Variants in STAT5B observed in about 807,000 individuals in gnomAD.
STAT5B encodes signal transducer and activator of transcription 5B, also known as transcription factor STAT5B.
STAT5B carries 21 observed loss-of-function variants against 107.8 expected under a neutral mutation model. That is an observed-to-expected ratio of 0.19 (90% CI 0.14 to 0.28). The LOEUF is 0.28. Among genes scored for constraint, STAT5B ranks in the 10% least tolerant of loss-of-function variants. STAT5B has a pLI of 1.00. For synonymous variants in STAT5B, 325 were observed against 401.7 expected (o/e 0.81, Z 2.28); for missense variants, 565 against 1,008.2 (o/e 0.56, Z 5.95).
chr17:42,257,298 A>C (rs1476741787), intron 1 of STAT5B, among the ~76,000 whole-genome samples: 1 of 152,182 alleles, frequency 6.6e-6, no homozygotes, highest in South Asian at 2.1e-4. Flanking sequence ...TGACAATTGA[A>C]TCTTACAGGT....
At chr17:42,277,605 T>C (rs1245612238), upstream of STAT5B, among the ~76,000 whole-genome samples, 3 of 152,118 alleles carry the variant, frequency 2.0e-5, no homozygotes, top group African/African-American at 4.8e-5. Context: ...TTCAGGGAGC[T>C]TGGAGGCCAG....
intron 9 of STAT5B, 76 bp downstream of exon 9, chr17:42,218,075 G>C (rs2080188610): frequency 6.4e-7 from 1 of 1,560,090 alleles, no homozygotes; most frequent in Admixed American, 1.9e-5. Flanking sequence ...ATCTGACACA[G>C]GAGGCAGAAT....
chr17:42,205,150 C>T (rs1156430416), intron 16 of STAT5B, among the ~76,000 whole-genome samples: 1 of 152,076 alleles, frequency 6.6e-6, no homozygotes, highest in Non-Finnish European at 1.5e-5. Context: ...GCCTCAGCCT[C>T]CTGAGTAGGT....
At chr17:42,213,674 C>T (rs938389902) in intron 12 of STAT5B, among the ~76,000 whole-genome samples, 11 of 151,424 alleles carry the variant, frequency 7.3e-5, no homozygotes, top group Admixed American at 2.0e-4. Flanking sequence ...ATCATAGGCA[C>T]GCACCACCAC....
chr17:42,239,098 A>C (rs551403672), intron 1 of STAT5B, among the ~76,000 whole-genome samples: 71 of 151,984 alleles, frequency 4.7e-4, no homozygotes, highest in African/African-American at 1.7e-3. Context: ...AAATACAAAA[A>C]TTAGCTGGGC....
At position 42,224,417 on chromosome 17, in the gene STAT5B, G is replaced by T. The variant is rs534790383; in HGVS notation, c.375+362C>A. 5.1e-4 allele frequency among the ~76,000 whole-genome samples: 77 copies of T among 151,470 alleles called. 1 individual carries two copies. In the South Asian group the frequency reaches 0.016, roughly 32 times the overall value. ...TGCAGGGGTGCGATCATGGCTCACT[G>T]CAGCCTCTACCTCCTGGGCTCAAGG... On this transcript the variant is annotated intron_variant, in intron 4 of 18. Transcript: ENST00000293328.
chr17:42,273,679 A>T (rs1416156954), intron 1 of STAT5B, among the ~76,000 whole-genome samples: 1 of 152,210 alleles, frequency 6.6e-6, no homozygotes, highest in African/African-American at 2.4e-5. Context: ...ACCTGCATCT[A>T]ATCTTGAGCA....
chr17:42,259,015 CAA>C (rs1295185195), intron 1 of STAT5B, among the ~76,000 whole-genome samples: 1 of 152,044 alleles, frequency 6.6e-6, no homozygotes, highest in Non-Finnish European at 1.5e-5. Context: ...TAGCTAAGAC[CAA>C]AAGGTGAATA....
chr17:42,257,714 C>T (rs1418337411), intron 1 of STAT5B, among the ~76,000 whole-genome samples: 2 of 152,124 alleles, frequency 1.3e-5, no homozygotes, highest in Admixed American at 1.3e-4. Context: ...ACAATGGGAC[C>T]ACACACAAAT....
chr17:42,214,758 T>G (rs1022747560), intron 12 of STAT5B, among the ~76,000 whole-genome samples: 1 of 152,124 alleles, frequency 6.6e-6, no homozygotes, highest in African/African-American at 2.4e-5. Flanking sequence ...CTAAAAAAAT[T>G]TTTTTCTTTG....
upstream of STAT5B, among the ~76,000 whole-genome samples, chr17:42,278,027 A>G (rs2144456561): frequency 6.6e-6 from 1 of 152,190 alleles, no homozygotes; most frequent in Non-Finnish European, 1.5e-5. Context: ...AAGTGCTGGG[A>G]TTACAGGCAT....
chr17:42,201,983 A>G, intron 18 of STAT5B, 119 bp from the exon 19 acceptor site: 1 of 934,246 alleles, frequency 1.1e-6, no homozygotes, highest in Non-Finnish European at 1.7e-6. Context: ...CTGGGGCTTC[A>G]TGGGAAAAGA....
chr17:42,254,845 C>T (rs1186566426), intron 1 of STAT5B, among the ~76,000 whole-genome samples: 1 of 152,154 alleles, frequency 6.6e-6, no homozygotes, highest in African/African-American at 2.4e-5. Flanking sequence ...GTAATCCCAA[C>T]ACTTTGGGAG....
Position 42,268,502 on chromosome 17 carries a change from A to G in STAT5B, c.-11+7746T>C, listed in dbSNP as rs533633078. ...ATGTATCATTAAGTGACAAACGACT[A>G]TAGTTACGTAACAATAACCAAAGAA... On this transcript the variant is annotated intron_variant, in intron 1 of 18. Transcript: ENST00000293328. 5 of 152,326 alleles carry G rather than the reference A, an allele frequency of 3.3e-5. No homozygotes were observed. In the South Asian group the frequency reaches 8.3e-4, roughly 25 times the overall value. The allele number at this position is 152,326 out of a possible 1,614,324, so 9.4% of individuals were successfully genotyped here. A position where few individuals can be genotyped will look rare whatever the true frequency, so the allele number is the denominator to read the frequency against.
At chr17:42,210,322 G>C in intron 14 of STAT5B, 21 bp from the exon 15 acceptor site, 1 of 1,614,152 alleles carries the variant, frequency 6.2e-7, no homozygotes, top group African/African-American at 1.3e-5. Context: ...AAGGACAAAG[G>C]ACAGAAGCAG....
chr17:42,234,105 A>AG (rs1314325570), intron 1 of STAT5B: 1 of 152,240 alleles, frequency 6.6e-6, no homozygotes, highest in Non-Finnish European at 1.5e-5. Context: ...GGTTACAGTT[A>AG]GGGGCCGGTG....
chr17:42,200,023 G>A lies in STAT5B; in HGVS notation c.*1715C>T, dbSNP rs1235990585. The A allele has an allele frequency of 1.3e-5, 2 of 152,688 alleles. No individual in the cohort carries two copies. Among genetic ancestry groups the A allele is most frequent in the Admixed American group, 6.5e-5 (1 of 15,272 alleles). The allele number at this position is 152,688 out of a possible 1,614,324, so 9.5% of individuals were successfully genotyped here. A position where few individuals can be genotyped will look rare whatever the true frequency, so the allele number is the denominator to read the frequency against. ...TTCATCAAATCTTGAGGGGTAGGGA[G>A]GGGCTGAGTGGGATGCGGGTAGCCT... On this transcript the variant is annotated 3_prime_UTR_variant, in exon 19 of 19. Coordinates refer to ENST00000293328, the MANE Select transcript of STAT5B (RefSeq NM_012448.4).
chr17:42,267,707 C>T (rs545809530), intron 1 of STAT5B, among the ~76,000 whole-genome samples: 3 of 152,142 alleles, frequency 2.0e-5, no homozygotes, highest in Admixed American at 6.5e-5. Context: ...ACCTATAATC[C>T]GAGCACTTTG....
intron 1 of STAT5B, among the ~76,000 whole-genome samples, chr17:42,263,314 T>C (rs914138399): frequency 1.1e-4 from 16 of 151,952 alleles, no homozygotes; most frequent in African/African-American, 3.9e-4. Flanking sequence ...GATTTTAACA[T>C]AGTTCAACAA....
Sources: gnomAD v4.1 joint callset for allele counts (sites outside exome capture counted in the v4.1 genomes callset) on GRCh38, gnomAD v4.1.1 for gene constraint, MANE v1.5 for transcripts, NCBI Gene and HGNC (gene_info 2026-07-23, HGNC 2026-07-21) for gene names.